Variants in VWC2 observed in about 807,000 individuals in gnomAD.
VWC2 encodes the protein brorin.
In VWC2, 14 loss-of-function variants were observed where a neutral mutation model predicts 29.8. That is an observed-to-expected ratio of 0.47 (90% CI 0.31 to 0.74). The LOEUF is 0.74. Among genes scored for constraint, VWC2 ranks in the 30% least tolerant of loss-of-function variants. VWC2 has a pLI of 0.05. For missense variants in VWC2, 457 were observed against 459.8 expected (o/e 0.99, Z 0.05); for synonymous variants, 213 against 199.0 (o/e 1.07, Z -0.59).
chr7:49,791,276 G>A (rs778201159), intron 2 of VWC2, among the ~76,000 whole-genome samples: 11 of 152,202 alleles, frequency 7.2e-5, no homozygotes, highest in African/African-American at 2.4e-4. Context: ...AGGCACTTTC[G>A]CCATCTGGTG....
intron 3 of VWC2, among the ~76,000 whole-genome samples, chr7:49,817,593 C>T (rs1789175939): frequency 6.6e-6 from 1 of 152,184 alleles, no homozygotes; most frequent in Admixed American, 6.5e-5. Flanking sequence ...TCTGCTCTTA[C>T]ACTAACAGCA....
intron 3 of VWC2, among the ~76,000 whole-genome samples, chr7:49,863,280 T>C (rs1790734740): frequency 6.6e-6 from 1 of 152,222 alleles, no homozygotes; most frequent in African/African-American, 2.4e-5. Context: ...TTTACAATCC[T>C]TTCTATTTCT....
chr7:49,800,101 A>C (rs1788704348), intron 2 of VWC2, among the ~76,000 whole-genome samples: 1 of 152,242 alleles, frequency 6.6e-6, no homozygotes, highest in Non-Finnish European at 1.5e-5. Context: ...CTTTGAGAAA[A>C]TAGCATGCTG....
intron 3 of VWC2, among the ~76,000 whole-genome samples, chr7:49,867,965 C>T (rs1276709571): frequency 4.6e-5 from 7 of 152,038 alleles, no homozygotes. Context: ...TACCAAGTAG[C>T]TGGGATTACA....
rs1793770146 is a variant in VWC2, at chr7:49,917,191, T to C, written c.*5006T>C. 6.6e-6 allele frequency: 1 copy of C among 152,316 alleles called. No homozygotes were observed. The highest frequency in any genetic ancestry group is 2.4e-5 in the African/African-American group (1 of 41,582). The allele number at this position is 152,316 out of a possible 1,614,324, so 9.4% of individuals were successfully genotyped here. ...CTGAGTCATTTGTACAGAAATATAGTAGCTTCCATAATCTGAATGATAACC... is the reference window on the plus strand; with the variant it reads ...CTGAGTCATTTGTACAGAAATATAGCAGCTTCCATAATCTGAATGATAACC... On this transcript the variant is annotated 3_prime_UTR_variant, in exon 4 of 4. Coordinates refer to ENST00000340652, the MANE Select transcript of VWC2 (RefSeq NM_198570.5).
At chr7:49,830,218 T>A (rs1789493773) in intron 3 of VWC2, among the ~76,000 whole-genome samples, 2 of 152,126 alleles carry the variant, frequency 1.3e-5, no homozygotes, top group South Asian at 4.2e-4. Context: ...TTTTTGTCCT[T>A]GGCAAGTTGT....
At chr7:49,909,008 T>C (rs1793255887) in intron 3 of VWC2, among the ~76,000 whole-genome samples, 1 of 152,222 alleles carries the variant, frequency 6.6e-6, no homozygotes, top group South Asian at 2.1e-4. Context: ...GTAAAGACTT[T>C]TGCTAGCATT....
At chr7:49,884,707 T>C (rs1432567844) in intron 3 of VWC2, among the ~76,000 whole-genome samples, 1 of 152,140 alleles carries the variant, frequency 6.6e-6, no homozygotes, top group Non-Finnish European at 1.5e-5. Context: ...CCTGTGAGAT[T>C]TACAGCCCAA....
At position 49,861,931 on chromosome 7, in the gene VWC2, C is replaced by T. The variant is rs574159649; in HGVS notation, c.827-50103C>T. Among the ~76,000 whole-genome samples, 16 of 152,216 alleles carry T rather than the reference C, an allele frequency of 1.1e-4. No individual in the cohort carries two copies. In the South Asian group the frequency reaches 3.3e-3, roughly 32 times the overall value. ...AAATTGGGAATTGTGTGTATTTTGA[C>T]TTTTTTAAAGATTATTATGGTTATC... On this transcript the variant is annotated intron_variant, in intron 3 of 3. Transcript: ENST00000340652.
intron 3 of VWC2, among the ~76,000 whole-genome samples, chr7:49,873,906 TAAAAAA>T (rs11326386): frequency 6.8e-6 from 1 of 146,458 alleles, no homozygotes; most frequent in Non-Finnish European, 1.5e-5. Flanking sequence ...TATAATTAAG[TAAAAAA>T]AAAAAACAAC....
chr7:49,903,336 C>A (rs1792881542), intron 3 of VWC2, among the ~76,000 whole-genome samples: 1 of 152,038 alleles, frequency 6.6e-6, no homozygotes, highest in South Asian at 2.1e-4. Flanking sequence ...TGGAAAAAAA[C>A]AAAATGCCAC....
intron 3 of VWC2, among the ~76,000 whole-genome samples, chr7:49,828,104 T>C (rs1231002120): frequency 6.6e-6 from 1 of 152,228 alleles, no homozygotes; most frequent in Non-Finnish European, 1.5e-5. Context: ...AGAGACATCA[T>C]GTAAGTAGAA....
chr7:49,906,907 C>G (rs1383082036), intron 3 of VWC2, among the ~76,000 whole-genome samples: 3 of 151,996 alleles, frequency 2.0e-5, no homozygotes, highest in Admixed American at 6.6e-5. Flanking sequence ...ATTTTTATAT[C>G]TCTTTCTTGC....
chr7:49,782,841 A>G (rs77472386), intron 2 of VWC2, among the ~76,000 whole-genome samples: 31,710 of 152,116 alleles, frequency 0.21, 3,639 homozygotes, highest in South Asian at 0.34. Context: ...ACAACAGCAT[A>G]AGACCCCATC....
chr7:49,859,498 G>C (rs1790560584), intron 3 of VWC2, among the ~76,000 whole-genome samples: 1 of 151,816 alleles, frequency 6.6e-6, no homozygotes, highest in South Asian at 2.1e-4. Flanking sequence ...TTTTCTTGTT[G>C]TTCTTCACGT....
At chr7:49,829,014 C>CCT (rs141367669) in intron 3 of VWC2, among the ~76,000 whole-genome samples, 2 of 150,750 alleles carry the variant, frequency 1.3e-5, no homozygotes, top group African/African-American at 4.8e-5. Context: ...GCCCACAGCT[C>CCT]CTCTCTCTCT....
chr7:49,792,649 C>G (rs993761016), intron 2 of VWC2, among the ~76,000 whole-genome samples: 62 of 152,320 alleles, frequency 4.1e-4, no homozygotes, highest in African/African-American at 1.2e-3. Flanking sequence ...CCTTGGCCAC[C>G]CTTCCTACCC....
chr7:49,907,906 C>T (rs561361173), intron 3 of VWC2, among the ~76,000 whole-genome samples: 4 of 152,070 alleles, frequency 2.6e-5, no homozygotes, highest in Non-Finnish European at 5.9e-5. Context: ...TCCAGTAGCA[C>T]GCTTCAGAGC....
chr7:49,877,723 C>G lies in VWC2; in HGVS notation c.827-34311C>G, dbSNP rs76726324. On this transcript the variant is annotated intron_variant, in intron 3 of 3. Transcript: ENST00000340652. ...CTCCCATCTAGTCCTAACTTTTACA[C>G]TCTGGAGAGCCACTCACTTTTCAGG... is the stretch of plus-strand genomic sequence containing the variant. Among the ~76,000 whole-genome samples the G allele has an allele frequency of 7.0e-4, 105 of 150,114 alleles. No individual in the cohort carries two copies. The East Asian group carries it at 0.02, about 29-fold the overall frequency.
Sources: allele counts gnomAD v4.1 joint callset (sites outside exome capture counted in the v4.1 genomes callset), GRCh38; gene constraint gnomAD v4.1.1; transcripts MANE v1.5; gene names NCBI Gene and HGNC (gene_info 2026-07-23, HGNC 2026-07-21).